Variants in ROBO2 observed in about 807,000 individuals in gnomAD.
ROBO2 encodes roundabout homolog 2.
ROBO2 carries 53 observed loss-of-function variants against 160.8 expected under a neutral mutation model. That is an observed-to-expected ratio of 0.33 (90% confidence interval 0.26 to 0.41). The LOEUF is 0.41. Among genes scored for constraint, ROBO2 ranks in the 10% least tolerant of loss-of-function variants. The pLI, the probability that ROBO2 is intolerant of heterozygous loss-of-function variation, is 1.00. For missense variants in ROBO2, 1,577 were observed against 1,722.4 expected, an observed-to-expected ratio of 0.92 and a Z score of 1.49; for synonymous variants, 664 against 611.7, an observed-to-expected ratio of 1.09 and a Z score of -1.26.
At chr3:77,054,936 G>GTGTATGTGTGTGTGTGTGTGTGTGTA (rs10685564) in intron 1 of ROBO2, among the ~76,000 whole-genome samples, 3 of 151,076 alleles carry the variant, frequency 2.0e-5, no homozygotes, top group Non-Finnish European at 4.4e-5. Context: ...GTATGTGTGT[G>GTGTATGTGTGTGTGTGTGTGTGTGTA]TGTGTGTGTG....
intron 2 of ROBO2, among the ~76,000 whole-genome samples, chr3:77,328,206 T>A (rs1049189387): frequency 6.6e-6 from 1 of 152,038 alleles, no homozygotes; most frequent in African/African-American, 2.4e-5. Flanking sequence ...TTAAGGATTT[T>A]CCTTTCTGCT....
In ROBO2 at chr3:76,213,911, T is replaced by A. The variant is rs144855786; in HGVS notation, c.109+276309T>A. 3.6e-3 allele frequency among the ~76,000 whole-genome samples: 552 copies of A among 152,154 alleles called. 2 individuals are homozygous for A. Among genetic ancestry groups the A allele is most frequent in the Non-Finnish European group, 5.4e-3 (366 of 68,000 alleles). ...AATAGAACCAATAGGATAAATACAG[T>A]ATAGATAGATAGATTTAGATGATAT... On this transcript the variant is annotated intron_variant, in intron 2 of 26. Coordinates refer to the ROBO2 transcript ENST00000487694.
Position 77,034,378 on chromosome 3 carries a change from T to TAA in ROBO2, c.110-63620_110-63619dup, listed in dbSNP as rs200520468. ...AACTTAAGAACTTAGTATTCTTTGTTAAAAAAAAAAAAAAAAAGAAAACAA... is the reference window on the plus strand; with the variant it reads ...AACTTAAGAACTTAGTATTCTTTGTTAAAAAAAAAAAAAAAAAAAGAAAACAA... On this transcript the variant is annotated intron_variant, in intron 2 of 26. Coordinates refer to the ROBO2 transcript ENST00000487694. Among the ~76,000 whole-genome samples the TAA allele has an allele frequency of 7.2e-4, 95 of 131,154 alleles. 1 individual carries two copies. Among genetic ancestry groups the TAA allele is most frequent in the African/African-American group, 2.4e-3 (87 of 36,572 alleles). The allele number at this position is 131,154 out of a possible 152,430, so 86.0% of individuals were successfully genotyped here.
chr3:76,034,709 A>G (rs912811329), intron 2 of ROBO2, among the ~76,000 whole-genome samples: 2 of 152,086 alleles, frequency 1.3e-5, no homozygotes, highest in Non-Finnish European at 2.9e-5. Context: ...ATGTGCCATT[A>G]TCTTGCTTTA....
chr3:76,960,004 T>C (rs2079535388), intron 2 of ROBO2, among the ~76,000 whole-genome samples: 3 of 152,130 alleles, frequency 2.0e-5, no homozygotes, highest in Admixed American at 2.0e-4. Flanking sequence ...ACTTTCTTAA[T>C]GGCTTGTATT....
chr3:77,396,411 T>C (rs376851322), intron 2 of ROBO2, among the ~76,000 whole-genome samples: 1 of 152,104 alleles, frequency 6.6e-6, no homozygotes, highest in Non-Finnish European at 1.5e-5. Flanking sequence ...GCAATCACAA[T>C]GTAGAGACAA....
chr3:77,488,245 T>C (rs533211076), intron 4 of ROBO2, among the ~76,000 whole-genome samples: 1 of 152,284 alleles, frequency 6.6e-6, no homozygotes, highest in Non-Finnish European at 1.5e-5. Context: ...GTAAGCAAGT[T>C]ATGCAGGTGA....
chr3:76,799,742 T>G (rs1260627205), intron 2 of ROBO2, among the ~76,000 whole-genome samples: 1 of 152,138 alleles, frequency 6.6e-6, no homozygotes, highest in Non-Finnish European at 1.5e-5. Flanking sequence ...TGAAAGGATA[T>G]TTCATATCCA....
intron 8 of ROBO2, among the ~76,000 whole-genome samples, chr3:77,557,393 A>T (rs1622375): frequency 1.3e-5 from 2 of 151,956 alleles, no homozygotes; most frequent in Non-Finnish European, 2.9e-5. Context: ...GAAGGAAATT[A>T]TTTATAATCT....
chr3:76,782,479 A>G (rs979205448), intron 2 of ROBO2, among the ~76,000 whole-genome samples: 1 of 150,732 alleles, frequency 6.6e-6, no homozygotes, highest in Admixed American at 6.6e-5. Context: ...AAAGTGGGGT[A>G]TTGAAATTCC....
At chr3:76,011,424 C>T (rs2066190827) in intron 2 of ROBO2, among the ~76,000 whole-genome samples, 1 of 152,170 alleles carries the variant, frequency 6.6e-6, no homozygotes, top group Non-Finnish European at 1.5e-5. Flanking sequence ...TTTTAAACCC[C>T]TGCCCTCACC....
At chr3:76,772,525 T>C (rs993249288) in intron 2 of ROBO2, among the ~76,000 whole-genome samples, 2 of 149,838 alleles carry the variant, frequency 1.3e-5, no homozygotes, top group African/African-American at 4.9e-5. Flanking sequence ...TTCTTTTTTT[T>C]TTTTTTAATT....
chr3:77,269,219 A>T (rs1417678248), intron 2 of ROBO2, among the ~76,000 whole-genome samples: 1 of 152,196 alleles, frequency 6.6e-6, no homozygotes, highest in Non-Finnish European at 1.5e-5. Context: ...ATGCTGTGTC[A>T]AAATGTTCAT....
At chr3:77,231,457 A>T (rs2087200988) in intron 2 of ROBO2, among the ~76,000 whole-genome samples, 1 of 151,606 alleles carries the variant, frequency 6.6e-6, no homozygotes, top group African/African-American at 2.4e-5. Flanking sequence ...AAGGATACAC[A>T]CTTAGGACCC....
rs537604031 is a variant in ROBO2, at chr3:76,126,536, G to A, written c.109+188934G>A. Among the ~76,000 whole-genome samples, 4 of 152,218 alleles carry A rather than the reference G, an allele frequency of 2.6e-5. No individual in the cohort carries two copies. In the South Asian group the frequency reaches 8.3e-4, roughly 32 times the overall value. On this transcript the variant is annotated intron_variant, in intron 2 of 26. Coordinates refer to the ROBO2 transcript ENST00000487694. ...ATCAAGAAACATGACATTGTAATTAGTGCAAGAGCTTTGCTTCAAAACATG... is the reference window on the plus strand; with the variant it reads ...ATCAAGAAACATGACATTGTAATTAATGCAAGAGCTTTGCTTCAAAACATG...
intron 2 of ROBO2, among the ~76,000 whole-genome samples, chr3:76,135,269 A>T (rs2071387534): frequency 6.6e-6 from 1 of 152,070 alleles, no homozygotes. Context: ...AATTTAGGGA[A>T]TAATTAGCCT....
chr3:76,702,141 T>G (rs1321370694), intron 2 of ROBO2, among the ~76,000 whole-genome samples: 2 of 152,056 alleles, frequency 1.3e-5, no homozygotes, highest in Non-Finnish European at 2.9e-5. Context: ...CTCTTTAATT[T>G]TTTTTATATC....
chr3:77,551,314 C>T (rs918535635), intron 8 of ROBO2, among the ~76,000 whole-genome samples: 6 of 151,986 alleles, frequency 3.9e-5, no homozygotes, highest in African/African-American at 1.4e-4. Context: ...ACATGATTGG[C>T]TCTACTAGAC....
intron 2 of ROBO2, among the ~76,000 whole-genome samples, chr3:76,762,445 GTTT>G (rs71104618): frequency 2.9e-5 from 4 of 140,178 alleles, no homozygotes; most frequent in Non-Finnish European, 6.2e-5. Flanking sequence ...GAATCCAGCT[GTTT>G]TTTTTTTTTT....
Sources: gnomAD v4.1 joint callset for allele counts (sites outside exome capture counted in the v4.1 genomes callset) on GRCh38, gnomAD v4.1.1 for gene constraint, MANE v1.5 for transcripts, NCBI Gene and HGNC (gene_info 2026-07-23, HGNC 2026-07-21) for gene names.